CADM2: variants seen among roughly 807,000 people sequenced by gnomAD.
CADM2 encodes immunoglobulin superfamily member 4D.
A neutral mutation model predicts 49.8 loss-of-function variants in CADM2; 12 were observed. The observed-to-expected ratio is 0.24, with a 90% confidence interval of 0.15 to 0.39. The LOEUF (loss-of-function observed/expected upper bound fraction) is 0.39, where lower values mean the gene tolerates loss of function less well. CADM2 is among the 10% of genes least tolerant of loss of function. The pLI, the probability that CADM2 is intolerant of heterozygous loss-of-function variation, is 1.00. For missense variants in CADM2, 378 were observed against 492.3 expected, an observed-to-expected ratio of 0.77 and a Z score of 2.20; for synonymous variants, 214 against 175.4, an observed-to-expected ratio of 1.22 and a Z score of -1.74.
Position 85,372,039 on chromosome 3 carries a change from A to G in CADM2, c.62-354483A>G, listed in dbSNP as rs1383562954. On this transcript the variant is annotated intron_variant, in intron 1 of 9. Coordinates refer to ENST00000383699, the MANE Select transcript of CADM2 (RefSeq NM_001167675.2). ...AAATAATATTATTTTAAAGAGGCAT[A>G]GAAAAGTGCCTAGATAATCTGCTGA... 2.0e-5 allele frequency among the ~76,000 whole-genome samples: 3 copies of G among 152,012 alleles called. No homozygotes were observed. The East Asian group carries it at 5.8e-4, about 29-fold the overall frequency.
chr3:85,407,577 C>T (rs1388774523), intron 1 of CADM2, among the ~76,000 whole-genome samples: 1 of 152,132 alleles, frequency 6.6e-6, no homozygotes, highest in Non-Finnish European at 1.5e-5. Flanking sequence ...ATCATTTCTG[C>T]ATGACTTTTT....
chr3:85,927,942 T>G (rs922550388), intron 6 of CADM2, among the ~76,000 whole-genome samples: 1 of 152,112 alleles, frequency 6.6e-6, no homozygotes, highest in Admixed American at 6.5e-5. Context: ...CTAAATACTT[T>G]CAAAGCTTGT....
chr3:85,081,107 G>A (rs1575824051), intron 1 of CADM2, among the ~76,000 whole-genome samples: 1 of 151,872 alleles, frequency 6.6e-6, no homozygotes, highest in African/African-American at 2.4e-5. Flanking sequence ...CTTTCATCAT[G>A]AAAAATTACA....
At chr3:85,290,200 C>T (rs2043747838) in intron 1 of CADM2, among the ~76,000 whole-genome samples, 1 of 152,160 alleles carries the variant, frequency 6.6e-6, no homozygotes, top group African/African-American at 2.4e-5. Context: ...AAAATCGGGT[C>T]ACTCCCACCC....
chr3:86,030,092 G>C (rs191471863), intron 8 of CADM2, among the ~76,000 whole-genome samples: 1 of 152,074 alleles, frequency 6.6e-6, no homozygotes, highest in East Asian at 1.9e-4. Context: ...GAGGTTTAAT[G>C]AATGAAGCTT....
intron 2 of CADM2, among the ~76,000 whole-genome samples, chr3:85,731,417 G>T (rs2067924789): frequency 1.3e-5 from 2 of 152,160 alleles, no homozygotes; most frequent in African/African-American, 4.8e-5. Flanking sequence ...ACAACATTCA[G>T]TTGTGACAAT....
chr3:85,912,518 A>G lies in CADM2; in HGVS notation c.675A>G (p.Val225=). The change falls in exon 6 of 10, where the codon GTA becomes GTG. Residue 225 remains valine (V), a synonymous_variant. Transcript: ENST00000383699. ...DHESLNATPQ[V]AMQVLEIHYT... The stretch of plus-strand genomic sequence containing the variant: ...AATCCCTCAATGCCACCCCTCAGGT[A>G]GCCATGCAGGTGCTAGAAATACACT... 1 of 1,613,794 alleles carries G rather than the reference A, an allele frequency of 6.2e-7. No homozygotes were observed. Among genetic ancestry groups the G allele is most frequent in the Non-Finnish European group, 8.5e-7 (1 of 1,179,838 alleles).
intron 1 of CADM2, among the ~76,000 whole-genome samples, chr3:85,247,569 A>G (rs967302258): frequency 2.6e-5 from 4 of 152,184 alleles, no homozygotes; most frequent in Admixed American, 6.5e-5. Context: ...TCAGGTAAAG[A>G]TATATTTCTA....
At chr3:85,059,182 T>G (rs896878238) in intron 1 of CADM2, among the ~76,000 whole-genome samples, 1 of 151,772 alleles carries the variant, frequency 6.6e-6, no homozygotes, top group Non-Finnish European at 1.5e-5. Context: ...GAGCTTGCAG[T>G]GAGCCGAGAT....
At chr3:85,271,493 C>T (rs746751526) in intron 1 of CADM2, among the ~76,000 whole-genome samples, 6 of 151,096 alleles carry the variant, frequency 4.0e-5, no homozygotes, top group Middle Eastern at 3.2e-3. Context: ...TTCCCAAATC[C>T]TCCAACCTAT....
At chr3:85,050,503 T>C (rs2035841150) in intron 1 of CADM2, among the ~76,000 whole-genome samples, 2 of 152,144 alleles carry the variant, frequency 1.3e-5, no homozygotes, top group Non-Finnish European at 2.9e-5. Context: ...TCTACAATTT[T>C]CTAAATATAT....
At chr3:85,346,788 A>C (rs2030704692) in intron 1 of CADM2, among the ~76,000 whole-genome samples, 1 of 152,186 alleles carries the variant, frequency 6.6e-6, no homozygotes, top group African/African-American at 2.4e-5. Flanking sequence ...TACAGTAACT[A>C]CCCAAATAAA....
chr3:85,599,910 A>AGTT (rs1370299097), intron 1 of CADM2, among the ~76,000 whole-genome samples: 1 of 35,638 alleles, frequency 2.8e-5, no homozygotes, highest in Non-Finnish European at 6.2e-5. Context: ...GAAATTATGT[A>AGTT]CATAGTTAAT....
intron 1 of CADM2, among the ~76,000 whole-genome samples, chr3:85,278,731 TGTG>T: frequency 1.4e-5 from 2 of 147,916 alleles, no homozygotes; most frequent in Non-Finnish European, 3.0e-5. Flanking sequence ...TGTGTGTGTG[TGTG>T]TGTGTGTGTG....
chr3:86,039,525 G>C (rs567265209), intron 8 of CADM2, among the ~76,000 whole-genome samples: 1 of 152,160 alleles, frequency 6.6e-6, no homozygotes, highest in Non-Finnish European at 1.5e-5. Context: ...AGGTGGCAGC[G>C]AGGCTGGGGG....
At chr3:85,739,028 A>G (rs2107818874) in intron 2 of CADM2, among the ~76,000 whole-genome samples, 1 of 152,276 alleles carries the variant, frequency 6.6e-6, no homozygotes, top group Non-Finnish European at 1.5e-5. Flanking sequence ...AGTACCAAAC[A>G]TGAATATATG....
At chr3:85,232,631 C>A (rs2042320169) in intron 1 of CADM2, among the ~76,000 whole-genome samples, 1 of 151,476 alleles carries the variant, frequency 6.6e-6, no homozygotes, top group Admixed American at 6.6e-5. Flanking sequence ...GATATCTCAC[C>A]AAAAAAGCTT....
intron 1 of CADM2, among the ~76,000 whole-genome samples, chr3:85,319,066 T>G (rs879846440): frequency 6.6e-6 from 1 of 152,152 alleles, no homozygotes; most frequent in Non-Finnish European, 1.5e-5. Flanking sequence ...GCTTTAAGAT[T>G]AAAGGCAAAT....
At chr3:85,440,413 T>C (rs1428464340) in intron 1 of CADM2, among the ~76,000 whole-genome samples, 2 of 152,096 alleles carry the variant, frequency 1.3e-5, no homozygotes, top group Non-Finnish European at 2.9e-5. Context: ...TATGAACTCT[T>C]TTATCTAAAA....
Sources: gnomAD v4.1 joint callset for allele counts (sites outside exome capture counted in the v4.1 genomes callset) on GRCh38, gnomAD v4.1.1 for gene constraint, MANE v1.5 for transcripts, NCBI Gene and HGNC (gene_info 2026-07-23, HGNC 2026-07-21) for gene names.